TULP4: variants seen among roughly 807,000 people sequenced by gnomAD.
TULP4 encodes tubby-related protein 4.
A neutral mutation model predicts 129.0 loss-of-function variants in TULP4; 16 were observed. The observed-to-expected ratio is 0.12, with a 90% CI of 0.08 to 0.19. The LOEUF (loss-of-function observed/expected upper bound fraction) is 0.19. Among genes scored for constraint, TULP4 ranks in the 10% least tolerant of loss-of-function variants. TULP4 has a pLI of 1.00. For missense variants in TULP4, 1,842 were observed against 2,059.1 expected (o/e 0.89, Z 2.04); for synonymous variants, 998 against 854.0 (o/e 1.17, Z -2.94).
At chr6:158,283,864 G>A (rs1240935289) in intron 1 of TULP4, among the ~76,000 whole-genome samples, 1 of 152,052 alleles carries the variant, frequency 6.6e-6, no homozygotes. Flanking sequence ...CCCTCTGGGA[G>A]TCCCCTGGGG....
intron 1 of TULP4, among the ~76,000 whole-genome samples, chr6:158,339,817 G>C (rs919199640): frequency 2.6e-4 from 39 of 152,142 alleles, no homozygotes; most frequent in African/African-American, 7.2e-4. Context: ...AATTTGTGCA[G>C]TTAACACAAT....
intron 12 of TULP4, 138 bp downstream of exon 12, chr6:158,498,950 G>A (rs985911385): frequency 1.9e-5 from 21 of 1,105,372 alleles, no homozygotes; most frequent in Non-Finnish European, 2.4e-5. Flanking sequence ...AGTAAGGTTG[G>A]TAGATGTGAT....
intron 12 of TULP4, 85 bp from the exon 13 acceptor site, chr6:158,501,593 G>A: frequency 1.5e-6 from 2 of 1,334,470 alleles, no homozygotes; most frequent in East Asian, 2.3e-5. Flanking sequence ...GAAGGAGACT[G>A]GATGAGTCCA....
chr6:158,248,691 A>T (rs1192407130), intron 1 of TULP4, among the ~76,000 whole-genome samples: 1 of 151,246 alleles, frequency 6.6e-6, no homozygotes, highest in Non-Finnish European at 1.5e-5. Flanking sequence ...GCAGTGAGCC[A>T]TGATTGTGCC....
intron 1 of TULP4, among the ~76,000 whole-genome samples, chr6:158,343,096 G>A (rs1042152330): frequency 6.6e-6 from 1 of 152,000 alleles, no homozygotes; most frequent in Non-Finnish European, 1.5e-5. Flanking sequence ...GTGTTCAGGG[G>A]CCTCCAGGAG....
intron 1 of TULP4, among the ~76,000 whole-genome samples, chr6:158,266,486 G>A (rs1165676902): frequency 2.6e-5 from 4 of 152,120 alleles, no homozygotes; most frequent in Non-Finnish European, 5.9e-5. Context: ...GAACTCCTGG[G>A]CTCTAGCAAT....
intron 1 of TULP4, among the ~76,000 whole-genome samples, chr6:158,360,697 A>C (rs1476248262): frequency 1.3e-5 from 2 of 152,186 alleles, no homozygotes; most frequent in Non-Finnish European, 2.9e-5. Flanking sequence ...GGAAGATGGT[A>C]AGAATAATCC....
intron 1 of TULP4, among the ~76,000 whole-genome samples, chr6:158,332,298 T>C (rs1044190927): frequency 1.3e-5 from 2 of 149,978 alleles, no homozygotes; most frequent in African/African-American, 4.9e-5. Flanking sequence ...AAGGAGATGA[T>C]GCAAGGGAGG....
At chr6:158,244,862 A>C (rs1170317075) in intron 1 of TULP4, among the ~76,000 whole-genome samples, 6 of 152,156 alleles carry the variant, frequency 3.9e-5, no homozygotes, top group Non-Finnish European at 5.9e-5. Flanking sequence ...TAATAAAAAA[A>C]CTAAAAACAT....
chr6:158,440,652 G>C (rs1331826607), intron 3 of TULP4, among the ~76,000 whole-genome samples: 1 of 152,188 alleles, frequency 6.6e-6, no homozygotes, highest in East Asian at 1.9e-4. Flanking sequence ...AATCAGCAAG[G>C]AGCACAGGAA....
intron 1 of TULP4, among the ~76,000 whole-genome samples, chr6:158,331,837 G>A (rs183874327): frequency 1.3e-4 from 19 of 142,448 alleles, no homozygotes; most frequent in African/African-American, 4.1e-4. Context: ...ATTAGGAGAC[G>A]GAAACCACAC....
At chr6:158,238,502 A>G (rs1424867382) in intron 1 of TULP4, 5 of 329,626 alleles carry the variant, frequency 1.5e-5, no homozygotes, top group Non-Finnish European at 2.6e-5. Flanking sequence ...TCATGGGACA[A>G]TAGTGGAGGG....
intron 2 of TULP4, among the ~76,000 whole-genome samples, chr6:158,426,533 T>C (rs937789943): frequency 1.3e-5 from 2 of 152,210 alleles, no homozygotes; most frequent in Non-Finnish European, 2.9e-5. Flanking sequence ...TGGTTGTAAA[T>C]ATGCAGCCTT....
chr6:158,495,503 G>C (rs1025547846), intron 11 of TULP4, among the ~76,000 whole-genome samples: 2 of 152,154 alleles, frequency 1.3e-5, no homozygotes, highest in Non-Finnish European at 2.9e-5. Context: ...GCGGATTTTT[G>C]GTAAACTCCT....
intron 3 of TULP4, among the ~76,000 whole-genome samples, chr6:158,446,376 A>G (rs1779042774): frequency 6.6e-6 from 1 of 152,104 alleles, no homozygotes; most frequent in Non-Finnish European, 1.5e-5. Flanking sequence ...CATTAATGGT[A>G]GTGGATTTGG....
chr6:158,276,534 A>G (rs959573209), intron 1 of TULP4, among the ~76,000 whole-genome samples: 2 of 151,896 alleles, frequency 1.3e-5, no homozygotes, highest in East Asian at 3.9e-4. Flanking sequence ...CTTCTTCTAA[A>G]GCAACAAAAA....
intron 1 of TULP4, among the ~76,000 whole-genome samples, chr6:158,367,720 C>G (rs764041881): frequency 6.6e-6 from 1 of 152,018 alleles, no homozygotes; most frequent in African/African-American, 2.4e-5. Flanking sequence ...CTCAAAGATT[C>G]TTTTATTGTG....
chr6:158,383,824 C>T (rs1171831841), intron 1 of TULP4, among the ~76,000 whole-genome samples: 4 of 152,132 alleles, frequency 2.6e-5, no homozygotes, highest in African/African-American at 9.7e-5. Context: ...TTGGTCTTTG[C>T]GATTAAATGA....
chr6:158,462,747 CT>C (rs56829575), intron 6 of TULP4, among the ~76,000 whole-genome samples: 153 of 127,864 alleles, frequency 1.2e-3, no homozygotes, highest in South Asian at 4.0e-3. Flanking sequence ...TTTTTTTTTC[CT>C]TTTTTTTTTT....
Sources: gnomAD v4.1 joint callset for allele counts (sites outside exome capture counted in the v4.1 genomes callset) on GRCh38, gnomAD v4.1.1 for gene constraint, MANE v1.5 for transcripts, NCBI Gene and HGNC (gene_info 2026-07-23, HGNC 2026-07-21) for gene names.